The following KIAA1217 variants were observed in gnomAD, a reference collection of about 807,000 sequenced individuals.
The protein encoded by KIAA1217 is KIAA1217.
Under a neutral mutation model 163.9 loss-of-function variants are expected in KIAA1217, and 88 were observed. The ratio of observed to expected loss-of-function variants is 0.54; its 90% CI spans 0.45 to 0.64. KIAA1217 has a LOEUF of 0.64. KIAA1217 is among the 30% of genes least tolerant of loss of function. The probability of loss-of-function intolerance (pLI) is 0.00; values close to 1 mark genes in which losing one functional copy is unlikely to be tolerated. For synonymous variants in KIAA1217, 903 were observed against 923.1 expected, an observed-to-expected ratio of 0.98 and a Z score of 0.39; for missense variants, 2,372 against 2,475.0, an observed-to-expected ratio of 0.96 and a Z score of 0.88.
intron 2 of KIAA1217, among the ~76,000 whole-genome samples, chr10:24,040,131 A>C (rs1217306387): frequency 6.6e-6 from 1 of 152,222 alleles, no homozygotes; most frequent in Non-Finnish European, 1.5e-5. Context: ...TCAGCTTCCC[A>C]GGCCAAAGTC....
At chr10:24,340,388 G>A (rs994441724) in intron 2 of KIAA1217, among the ~76,000 whole-genome samples, 3 of 152,014 alleles carry the variant, frequency 2.0e-5, no homozygotes, top group South Asian at 2.1e-4. Context: ...CCTTTCACTT[G>A]CCTCTCCTTC....
chr10:24,473,601 C>T lies in KIAA1217; in HGVS notation c.1220C>T (p.Ala407Val), dbSNP rs765602010. The T allele has an allele frequency of 6.2e-7, 1 of 1,613,904 alleles. No homozygotes were observed. The highest frequency in any genetic ancestry group is 8.5e-7 in the Non-Finnish European group (1 of 1,179,814). Residue 407 changes from alanine (A) to valine (V), a missense_variant, in exon 6 of 21, where the codon GCC becomes GTC. Around this residue, in one of 3 missense-constraint regions of KIAA1217, gnomAD observed 1,431 missense variants for 1,470.3 expected, o/e 0.97. Transcript: ENST00000376454. The stretch of plus-strand genomic sequence containing the variant: ...TATCACGAGGGACGGATGAGCATAG[C>T]CTCATCCCATGGTGGACACCCACTG... ...YLYHEGRMSI[A>V]SSHGGHPLDV...
intron 1 of KIAA1217, among the ~76,000 whole-genome samples, chr10:23,701,003 T>C (rs1836414239): frequency 6.6e-6 from 1 of 152,232 alleles, no homozygotes. Context: ...TAAATATTTC[T>C]TGAATAAATA....
chr10:23,840,640 CAT>C (rs1838726454), intron 1 of KIAA1217, among the ~76,000 whole-genome samples: 1 of 152,126 alleles, frequency 6.6e-6, no homozygotes, highest in African/African-American at 2.4e-5. Flanking sequence ...AAGAAAAAAA[CAT>C]GATTGAATTT....
intron 1 of KIAA1217, among the ~76,000 whole-genome samples, chr10:23,947,327 T>C (rs1844101913): frequency 6.6e-6 from 1 of 152,226 alleles, no homozygotes; most frequent in African/African-American, 2.4e-5. Context: ...CAAAGAACCT[T>C]TGTTTAGCTG....
chr10:24,147,320 A>G (rs1429653328), intron 2 of KIAA1217, among the ~76,000 whole-genome samples: 1 of 152,142 alleles, frequency 6.6e-6, no homozygotes, highest in East Asian at 1.9e-4. Flanking sequence ...CCCTAAACAC[A>G]TTTTGTTTCA....
intron 2 of KIAA1217, among the ~76,000 whole-genome samples, chr10:24,023,152 T>G (rs1474342180): frequency 6.6e-6 from 1 of 151,680 alleles, no homozygotes; most frequent in Non-Finnish European, 1.5e-5. Flanking sequence ...TCTGAAAAAT[T>G]CAAATGAGTC....
chr10:24,351,546 A>T (rs755390259), intron 2 of KIAA1217, among the ~76,000 whole-genome samples: 1 of 152,164 alleles, frequency 6.6e-6, no homozygotes, highest in Non-Finnish European at 1.5e-5. Context: ...AGAGCTGGAG[A>T]GCCAGGGAGA....
chr10:24,301,490 G>A (rs959781195), intron 2 of KIAA1217, among the ~76,000 whole-genome samples: 2 of 152,104 alleles, frequency 1.3e-5, no homozygotes, highest in African/African-American at 4.8e-5. Flanking sequence ...AGTGCCAGGT[G>A]CAGCATAGTG....
At chr10:24,187,039 G>A (rs995214053) in intron 2 of KIAA1217, among the ~76,000 whole-genome samples, 21 of 151,976 alleles carry the variant, frequency 1.4e-4, no homozygotes, top group African/African-American at 2.9e-4. Flanking sequence ...CTCTTCCAAC[G>A]GTGCCTCATT....
chr10:24,156,048 A>T (rs2064858847), intron 2 of KIAA1217, among the ~76,000 whole-genome samples: 1 of 152,200 alleles, frequency 6.6e-6, no homozygotes, highest in South Asian at 2.1e-4. Context: ...TTCCCATTTG[A>T]TAAACCTCAA....
At chr10:24,063,187 T>C (rs568451488) in intron 2 of KIAA1217, among the ~76,000 whole-genome samples, 4 of 152,176 alleles carry the variant, frequency 2.6e-5, no homozygotes, top group African/African-American at 9.6e-5. Flanking sequence ...CCATTGCTTT[T>C]GGTGTTTTAG....
chr10:24,025,413 T>C (rs1191866926), intron 2 of KIAA1217, among the ~76,000 whole-genome samples: 2 of 151,910 alleles, frequency 1.3e-5, no homozygotes. Flanking sequence ...TTGCCAATTG[T>C]AGCTGTATAA....
intron 2 of KIAA1217, among the ~76,000 whole-genome samples, chr10:24,361,982 CAAAAAAAAAA>C (rs68117028): frequency 9.9e-6 from 1 of 100,574 alleles, no homozygotes; most frequent in Non-Finnish European, 2.0e-5. Context: ...GACTCTGTCT[CAAAAAAAAAA>C]AAAAAAAAAA....
At chr10:24,532,296 A>T (rs1016876888) in intron 15 of KIAA1217, among the ~76,000 whole-genome samples, 2 of 152,202 alleles carry the variant, frequency 1.3e-5, no homozygotes. Flanking sequence ...CGCAAGAAAG[A>T]TTATCTTCCA....
intron 1 of KIAA1217, among the ~76,000 whole-genome samples, chr10:23,752,221 T>C (rs1196955077): frequency 3.3e-5 from 5 of 152,194 alleles, no homozygotes; most frequent in Non-Finnish European, 7.3e-5. Flanking sequence ...TTTCGCTAAT[T>C]AGCGAGTTGG....
intron 1 of KIAA1217, among the ~76,000 whole-genome samples, chr10:23,990,824 G>T (rs978933247): frequency 6.6e-6 from 1 of 152,262 alleles, no homozygotes; most frequent in Middle Eastern, 3.4e-3. Flanking sequence ...TGTCTTAGGG[G>T]TTGGCAGCCA....
intron 1 of KIAA1217, among the ~76,000 whole-genome samples, chr10:23,734,523 A>G (rs1838678935): frequency 1.3e-5 from 2 of 152,094 alleles, no homozygotes; most frequent in African/African-American, 4.8e-5. Context: ...CCCTGACCTC[A>G]GGTGATCCAC....
intron 3 of KIAA1217, among the ~76,000 whole-genome samples, chr10:24,429,608 C>T (rs1377199032): frequency 6.6e-6 from 1 of 152,140 alleles, no homozygotes; most frequent in African/African-American, 2.4e-5. Flanking sequence ...TTCCTAGAGA[C>T]TGATCTTATC....
Sources: gnomAD v4.1 joint callset for allele counts (sites outside exome capture counted in the v4.1 genomes callset) on GRCh38, gnomAD v4.1.1 for gene constraint, gnomAD v4.1.1 regional missense constraint, MANE v1.5 for transcripts, NCBI Gene and HGNC (gene_info 2026-07-23, HGNC 2026-07-21) for gene names.